DOCK8: variants seen among roughly 807,000 people sequenced by gnomAD.
The protein encoded by DOCK8 is dedicator of cytokinesis 8.
DOCK8 carries 141 observed loss-of-function variants against 245.6 expected under a neutral mutation model. The observed-to-expected ratio is 0.57, with a 90% CI of 0.50 to 0.66. The LOEUF is 0.66. Among genes scored for constraint, DOCK8 ranks in the 30% least tolerant of loss-of-function variants. The pLI, the probability that DOCK8 is intolerant of heterozygous loss-of-function variation, is 0.00. For synonymous variants in DOCK8, 1,168 were observed against 970.2 expected, an observed-to-expected ratio of 1.20 and a Z score of -3.79; for missense variants, 2,965 against 2,603.4, an observed-to-expected ratio of 1.14 and a Z score of -3.02.
intron 14 of DOCK8, among the ~76,000 whole-genome samples, chr9:363,295 T>A (rs570202101): frequency 6.6e-6 from 1 of 152,218 alleles, no homozygotes; most frequent in Non-Finnish European, 1.5e-5. Flanking sequence ...AACTTTGCCA[T>A]AACAAGTGGC....
Position 391,781 on chromosome 9 carries a change from T to C in DOCK8, c.2970+1215T>C, listed in dbSNP as rs2054201186. 2.0e-5 allele frequency among the ~76,000 whole-genome samples: 3 copies of C among 151,810 alleles called. No homozygotes were observed. The South Asian group carries it at 6.2e-4, about 32-fold the overall frequency. ...TGAGATTTAGTGATAATGTTAGCTT[T>C]ATATTCATTGGGTTCTTTCCCCTGT... On this transcript the variant is annotated intron_variant, in intron 24 of 47. Coordinates refer to ENST00000432829, the MANE Select transcript of DOCK8 (RefSeq NM_203447.4).
At chr9:228,012 T>C (rs2047026976) in intron 1 of DOCK8, among the ~76,000 whole-genome samples, 1 of 152,066 alleles carries the variant, frequency 6.6e-6, no homozygotes, top group Admixed American at 6.6e-5. Context: ...ACCTCTGAAT[T>C]AGCAGTTTTA....
intron 46 of DOCK8, among the ~76,000 whole-genome samples, chr9:461,630 C>T (rs2057809621): frequency 6.6e-6 from 1 of 150,660 alleles, no homozygotes; most frequent in South Asian, 2.1e-4. Flanking sequence ...CAACCTCCAC[C>T]TCCCAGGCTC....
intron 14 of DOCK8, among the ~76,000 whole-genome samples, chr9:348,860 G>A (rs1330938737): frequency 3.9e-5 from 6 of 152,142 alleles, no homozygotes; most frequent in Non-Finnish European, 8.8e-5. Flanking sequence ...TTCATCCTCA[G>A]TTCTGACCTC....
rs1159933739 is a variant in DOCK8 at position 393,085 on chromosome 9, CAAAAAAAAAAAAAA to C, written c.2970+2535_2970+2548del. ...TGGGCAACAGATTGAGACCCTGTCT[CAAAAAAAAAAAAAA>C]AAAAAAAAAAAAAAAGAAGAAGAAG... is the stretch of plus-strand genomic sequence containing the variant. On this transcript the variant is annotated intron_variant, in intron 24 of 47. Transcript: ENST00000432829. Among the ~76,000 whole-genome samples, 192 of 44,750 alleles carry C rather than the reference CAAAAAAAAAAAAAA, an allele frequency of 4.3e-3. 4 individuals are homozygous for C. Among genetic ancestry groups the C allele is most frequent in the African/African-American group, 0.013 (182 of 13,808 alleles). The allele number at this position is 44,750 out of a possible 152,430, so 29.4% of individuals were successfully genotyped here.
chr9:391,150 A>G (rs967840407), intron 24 of DOCK8, among the ~76,000 whole-genome samples: 13 of 152,018 alleles, frequency 8.6e-5, no homozygotes, highest in African/African-American at 2.9e-4. Flanking sequence ...CTGCTCCCTA[A>G]CTTTCACCTC....
chr9:274,303 G>T (rs1274893626), intron 2 of DOCK8, among the ~76,000 whole-genome samples: 2 of 151,964 alleles, frequency 1.3e-5, no homozygotes, highest in African/African-American at 2.4e-5. Flanking sequence ...TTTAGTCTTG[G>T]TTCTATTTGC....
rs766104961 is a variant in DOCK8 at position 215,094 on chromosome 9, T to G, written c.53+65T>G. 29 of 1,517,748 alleles carry G rather than the reference T, an allele frequency of 1.9e-5. No individual in the cohort carries two copies. In the African/African-American group the frequency reaches 2.7e-4, roughly 14 times the overall value. The allele number at this position is 1,517,748 out of a possible 1,614,324, so 94.0% of individuals were successfully genotyped here. On this transcript the variant is annotated intron_variant, in intron 1 of 47. Transcript: ENST00000432829. ...GCCCAGCGCTGGTGTGAAGCGGAGC[T>G]TCGCTGCAGGGGCCGAGGCCGGACG...
Position 465,021 on chromosome 9 carries a change from C to G in DOCK8, c.*802C>G, listed in dbSNP as rs1054762662. On this transcript the variant is annotated 3_prime_UTR_variant, in exon 48 of 48. Transcript: ENST00000432829. ...TGTGTACTATCTATTTTTCTCCTCT[C>G]TGGGACCAAGTTTCTTTTTATAAAG... is the stretch of plus-strand genomic sequence containing the variant. 2.0e-5 allele frequency: 3 copies of G among 152,540 alleles called. No individual in the cohort carries two copies. The highest frequency in any genetic ancestry group is 7.2e-5 in the African/African-American group (3 of 41,442). The allele number at this position is 152,540 out of a possible 1,614,324, so 9.4% of individuals were successfully genotyped here. A position where few individuals can be genotyped will look rare whatever the true frequency, so the allele number is the denominator to read the frequency against.
At chr9:379,175 T>C (rs2053635932) in intron 20 of DOCK8, among the ~76,000 whole-genome samples, 1 of 152,128 alleles carries the variant, frequency 6.6e-6, no homozygotes, top group Non-Finnish European at 1.5e-5. Context: ...TAGATAAGTA[T>C]ATTGGAGCCA....
rs1563865154 is a variant in DOCK8 at position 277,460 on chromosome 9, A to AAGAGAAGGGAGGGGAGGG, written c.156+5731_156+5732insAGAGAAGGGAGGGGAGGG. Among the ~76,000 whole-genome samples, 8 of 60,744 alleles carry AAGAGAAGGGAGGGGAGGG rather than the reference A, an allele frequency of 1.3e-4. 1 individual carries two copies. The highest frequency in any genetic ancestry group is 6.5e-4 in the Admixed American group (4 of 6,188). 39.9% of individuals were successfully genotyped at this position (60,744 alleles called of 152,430 possible). A position where few individuals can be genotyped will look rare whatever the true frequency, so the allele number is the denominator to read the frequency against. On this transcript the variant is annotated intron_variant, in intron 2 of 47. Coordinates refer to ENST00000432829, the MANE Select transcript of DOCK8 (RefSeq NM_203447.4). ...AGAGAAGAGAGGAGAAGAGAAAGAG[A>AAGAGAAGGGAGGGGAGGG]GAAGAGAAGAGAAGAGAAGAGAAGA...
intron 21 of DOCK8, among the ~76,000 whole-genome samples, chr9:381,780 C>T (rs2053729380): frequency 6.6e-6 from 1 of 152,012 alleles, no homozygotes; most frequent in Non-Finnish European, 1.5e-5. Context: ...GGCAACGTGA[C>T]AAAAGCCCAT....
intron 4 of DOCK8, among the ~76,000 whole-genome samples, chr9:304,344 C>T (rs1165899435): frequency 6.6e-6 from 1 of 152,162 alleles, no homozygotes; most frequent in Non-Finnish European, 1.5e-5. Flanking sequence ...GGCATTTTCC[C>T]AGGCCATGCC....
rs141619473 is a variant in DOCK8, at chr9:240,959, C to G, written c.53+25930C>G. Among the ~76,000 whole-genome samples the G allele has an allele frequency of 9.9e-5, 15 of 152,086 alleles. 1 individual carries two copies. In the East Asian group the frequency reaches 2.9e-3, roughly 29 times the overall value. On this transcript the variant is annotated intron_variant, in intron 1 of 47. Transcript: ENST00000432829. ...GTTTAAAAAATATTGTTTCTTTTTC[C>G]TCTTATCTTTTAGAAAAGGGAAAAT...
chr9:230,062 A>T (rs1173527657), intron 1 of DOCK8, among the ~76,000 whole-genome samples: 1 of 69,448 alleles, frequency 1.4e-5, no homozygotes, highest in Non-Finnish European at 2.7e-5. Flanking sequence ...CCCTCCCCCC[A>T]CCCCACAACA....
chr9:337,975 G>T (rs546110972), intron 12 of DOCK8, among the ~76,000 whole-genome samples: 1 of 152,236 alleles, frequency 6.6e-6, no homozygotes, highest in African/African-American at 2.4e-5. Flanking sequence ...CCAACATGGT[G>T]AACCCCCGTC....
At chr9:383,059 A>C (rs1405864488) in intron 22 of DOCK8, among the ~76,000 whole-genome samples, 1 of 90,882 alleles carries the variant, frequency 1.1e-5, no homozygotes, top group African/African-American at 3.6e-5. Context: ...TTTAATACCT[A>C]CCTCTTACGT....
chr9:274,490 C>CT (rs35765480), intron 2 of DOCK8, among the ~76,000 whole-genome samples: 41,118 of 135,062 alleles, frequency 0.3, 6,454 homozygotes, highest in South Asian at 0.45. Flanking sequence ...TCTTTCTTTT[C>CT]TTTTTTTTTT....
intron 1 of DOCK8, among the ~76,000 whole-genome samples, chr9:264,658 G>C (rs974162424): frequency 5.5e-4 from 84 of 152,160 alleles, no homozygotes; most frequent in Non-Finnish European, 5.3e-4. Flanking sequence ...GAGATCTATA[G>C]ATATATGTGT....
Sources: gnomAD v4.1 joint callset for allele counts (sites outside exome capture counted in the v4.1 genomes callset) on GRCh38, gnomAD v4.1.1 for gene constraint, MANE v1.5 for transcripts, NCBI Gene and HGNC (gene_info 2026-07-23, HGNC 2026-07-21) for gene names.